Variants in C4orf51 observed in about 807,000 individuals in gnomAD.
C4orf51 encodes chromosome 4 open reading frame 51.
A neutral mutation model predicts 25.2 loss-of-function variants in C4orf51; 25 were observed. The observed-to-expected ratio is 0.99, with a 90% CI of 0.72 to 1.39. The LOEUF (loss-of-function observed/expected upper bound fraction) is 1.39. Among genes scored for constraint, C4orf51 ranks in the 40% most tolerant of loss-of-function variants. The pLI, the probability that C4orf51 is intolerant of heterozygous loss-of-function variation, is 0.00. For missense variants in C4orf51, 252 were observed against 239.6 expected, an observed-to-expected ratio of 1.05 and a Z score of -0.34; for synonymous variants, 100 against 84.5, an observed-to-expected ratio of 1.18 and a Z score of -1.01.
chr4:145,729,502 C>T lies in C4orf51; in HGVS notation c.427+273C>T, dbSNP rs548408390. Among the ~76,000 whole-genome samples the T allele has an allele frequency of 3.6e-3, 553 of 152,026 alleles. 4 individuals carry two copies. The highest frequency in any genetic ancestry group is 4.0e-3 in the Non-Finnish European group (269 of 67,966). ...ATTTTTAGTAGAGACGGGGTTTCAC[C>T]GTGTTAGCCAGGATGGTCTCGATCT... On this transcript the variant is annotated intron_variant, in intron 4 of 5. Coordinates refer to ENST00000438731, the MANE Select transcript of C4orf51 (RefSeq NM_001080531.3).
intron 1 of C4orf51, among the ~76,000 whole-genome samples, chr4:145,692,843 T>C (rs1578929420): frequency 6.6e-6 from 1 of 152,180 alleles, no homozygotes; most frequent in East Asian, 1.9e-4. Context: ...AGTCCCTGCT[T>C]GCTTAGAGTA....
chr4:145,791,008 G>T, the C4orf51 span, among the ~76,000 whole-genome samples: 2 of 152,284 alleles, frequency 1.3e-5, no homozygotes, highest in South Asian at 4.1e-4. Context: ...TATATGATGG[G>T]AGTTTCTGTT....
intron 2 of C4orf51, among the ~76,000 whole-genome samples, chr4:145,700,916 C>G (rs948204626): frequency 6.6e-6 from 1 of 152,166 alleles, no homozygotes; most frequent in Non-Finnish European, 1.5e-5. Flanking sequence ...AGCCCTCCCC[C>G]ACCTGCCCAG....
At chr4:145,728,047 T>TATAC (rs1553966931) in intron 3 of C4orf51, among the ~76,000 whole-genome samples, 61 of 133,344 alleles carry the variant, frequency 4.6e-4, no homozygotes, top group East Asian at 1.0e-3. Context: ...AATATATATA[T>TATAC]ACACACACAC....
chr4:145,683,012 T>A (rs1317028546), intron 1 of C4orf51, among the ~76,000 whole-genome samples: 2 of 150,838 alleles, frequency 1.3e-5, no homozygotes, highest in Non-Finnish European at 3.0e-5. Context: ...AATAAAAAAA[T>A]TTTAAAAAAA....
chr4:145,731,562 A>ATGTTTT (rs1732465657), intron 5 of C4orf51, among the ~76,000 whole-genome samples: 1 of 93,250 alleles, frequency 1.1e-5, no homozygotes, highest in Non-Finnish European at 2.1e-5. Flanking sequence ...GACAAGGCAA[A>ATGTTTT]TCTTTTTTTT....
the C4orf51 span, among the ~76,000 whole-genome samples, chr4:145,784,095 T>C: frequency 6.6e-6 from 1 of 152,178 alleles, no homozygotes; most frequent in African/African-American, 2.4e-5. Context: ...CTTTCCACTA[T>C]GATGGAAAGT....
chr4:145,713,048 T>G (rs1731219774), intron 2 of C4orf51, among the ~76,000 whole-genome samples: 1 of 152,212 alleles, frequency 6.6e-6, no homozygotes, highest in Non-Finnish European at 1.5e-5. Context: ...TTAAGCCCAC[T>G]ATTGAGACTT....
downstream of C4orf51, among the ~76,000 whole-genome samples, chr4:145,772,921 G>C (rs527392504): frequency 9.2e-5 from 14 of 152,178 alleles, no homozygotes; most frequent in Admixed American, 5.9e-4. Context: ...GGTTAGTTGT[G>C]AAGTTTCCAC....
downstream of C4orf51, among the ~76,000 whole-genome samples, chr4:145,773,923 C>A (rs1736654696): frequency 1.3e-5 from 2 of 152,106 alleles, no homozygotes; most frequent in South Asian, 4.2e-4. Flanking sequence ...CCAAGTGTTT[C>A]TCGGGGCTGT....
intron 1 of C4orf51, among the ~76,000 whole-genome samples, chr4:145,767,641 G>A (rs1269882103): frequency 6.6e-6 from 1 of 152,206 alleles, no homozygotes; most frequent in Admixed American, 6.5e-5. Context: ...TATGTGCACA[G>A]GAACAAAAAC....
the C4orf51 span, among the ~76,000 whole-genome samples, chr4:145,790,626 C>A: frequency 0.029 from 4,386 of 152,212 alleles, 197 homozygotes; most frequent in African/African-American, 0.099. Flanking sequence ...AGATTGGAAT[C>A]CACTGGTATC....
intron 1 of C4orf51, among the ~76,000 whole-genome samples, chr4:145,687,420 T>G (rs1332777484): frequency 6.6e-6 from 1 of 152,218 alleles, no homozygotes; most frequent in Non-Finnish European, 1.5e-5. Context: ...TGAGGCTGTG[T>G]CATAGGCACA....
At chr4:145,774,265 C>T (rs966418832), downstream of C4orf51, among the ~76,000 whole-genome samples, 4 of 152,084 alleles carry the variant, frequency 2.6e-5, no homozygotes, top group South Asian at 2.1e-4. Flanking sequence ...GCAAAGAGCT[C>T]GGCACCTCTC....
chr4:145,692,560 T>G (rs537093624), intron 1 of C4orf51, among the ~76,000 whole-genome samples: 38 of 152,168 alleles, frequency 2.5e-4, no homozygotes, highest in Non-Finnish European at 4.9e-4. Context: ...GCTGCTGTCA[T>G]TAGGAGAAGA....
downstream of C4orf51, among the ~76,000 whole-genome samples, chr4:145,733,838 C>T (rs1013711901): frequency 6.6e-6 from 1 of 152,156 alleles, no homozygotes; most frequent in African/African-American, 2.4e-5. Context: ...TTGCCCTGGC[C>T]AGCCCCAGTA....
At chr4:145,734,782 C>T (rs1440302122), downstream of C4orf51, among the ~76,000 whole-genome samples, 1 of 152,186 alleles carries the variant, frequency 6.6e-6, no homozygotes, top group Non-Finnish European at 1.5e-5. Context: ...GTGGGTGCCA[C>T]GGAGCACAGA....
chr4:145,755,097 A>C (rs1733865467), downstream of C4orf51, among the ~76,000 whole-genome samples: 1 of 152,182 alleles, frequency 6.6e-6, no homozygotes, highest in African/African-American at 2.4e-5. Flanking sequence ...CTGCCTTGCA[A>C]CCATCTCTTT....
At chr4:145,708,782 G>A (rs943465829) in intron 2 of C4orf51, among the ~76,000 whole-genome samples, 1 of 152,188 alleles carries the variant, frequency 6.6e-6, no homozygotes, top group Non-Finnish European at 1.5e-5. Flanking sequence ...CCTTGGGCTG[G>A]CCTGTATATA....
Sources: gnomAD v4.1 joint callset for allele counts (sites outside exome capture counted in the v4.1 genomes callset) on GRCh38, gnomAD v4.1.1 for gene constraint, MANE v1.5 for transcripts, NCBI Gene and HGNC (gene_info 2026-07-23, HGNC 2026-07-21) for gene names.